Variants in PLA2G4A observed in about 807,000 individuals in gnomAD.
The protein encoded by PLA2G4A is cytosolic phospholipase A2.
In PLA2G4A, 40 loss-of-function variants were observed where a neutral mutation model predicts 81.9. The ratio of observed to expected loss-of-function variants is 0.49; its 90% CI spans 0.38 to 0.64. PLA2G4A has a LOEUF of 0.64. Among genes scored for constraint, PLA2G4A ranks in the 30% least tolerant of loss-of-function variants. The pLI, the probability that PLA2G4A is intolerant of heterozygous loss-of-function variation, is 0.00. For missense variants in PLA2G4A, 715 were observed against 905.1 expected (o/e 0.79, Z 2.69); for synonymous variants, 302 against 296.9 (o/e 1.02, Z -0.18).
At chr1:186,952,400 C>T (rs560444659) in intron 13 of PLA2G4A, among the ~76,000 whole-genome samples, 1 of 152,126 alleles carries the variant, frequency 6.6e-6, no homozygotes, top group South Asian at 2.1e-4. Context: ...TTCTCTTTTA[C>T]ATAGAGTTTT....
chr1:186,939,987 A>ATAC lies in PLA2G4A; in HGVS notation c.931_933dup (p.Thr311dup). The ATAC allele has an allele frequency of 6.8e-7, 1 of 1,466,592 alleles. No homozygotes were observed. The highest frequency in any genetic ancestry group is 9.6e-7 in the Non-Finnish European group (1 of 1,045,228). The allele number at this position is 1,466,592 out of a possible 1,614,324, so 90.8% of individuals were successfully genotyped here. Reference sequence around the variant, plus strand: ...TCTTTCTTCTGTGGACAGAGAATGAATACTACTCTGAGCAGTTTGAAGGAA... The same window carrying ATAC: ...TCTTTCTTCTGTGGACAGAGAATGAATACTACTACTCTGAGCAGTTTGAAGGAA... On this transcript the variant is annotated inframe_insertion, in exon 10 of 18. Transcript: ENST00000367466.
Position 186,979,943 on chromosome 1 carries a change from C to CTTTTTT in PLA2G4A, c.2118+488_2118+493dup, listed in dbSNP as rs34029312. Among the ~76,000 whole-genome samples, 23 of 98,798 alleles carry CTTTTTT rather than the reference C, an allele frequency of 2.3e-4. 2 individuals are homozygous for CTTTTTT. The highest frequency in any genetic ancestry group is 4.0e-4 in the South Asian group (1 of 2,482). 64.8% of individuals were successfully genotyped at this position (98,798 alleles called of 152,430 possible). ...GCATCACAAAACGTAACAGCATTTCCTTTTTTTTTTTTTTTTTTTTTTGAG... is the reference window on the plus strand; with the variant it reads ...GCATCACAAAACGTAACAGCATTTCCTTTTTTTTTTTTTTTTTTTTTTTTTTTTGAG... On this transcript the variant is annotated intron_variant, in intron 17 of 17. Coordinates refer to ENST00000367466, the MANE Select transcript of PLA2G4A (RefSeq NM_024420.3).
intron 5 of PLA2G4A, among the ~76,000 whole-genome samples, chr1:186,900,730 A>G (rs1654507049): frequency 6.6e-6 from 1 of 152,206 alleles, no homozygotes; most frequent in Non-Finnish European, 1.5e-5. Flanking sequence ...TAGAAGCAAC[A>G]CAGATAAGAT....
intron 10 of PLA2G4A, among the ~76,000 whole-genome samples, chr1:186,946,404 A>G (rs1164181396): frequency 6.6e-6 from 1 of 151,998 alleles, no homozygotes; most frequent in African/African-American, 2.4e-5. Flanking sequence ...TAATTTCTGC[A>G]AATTAGAAGG....
rs200155542 is a variant in PLA2G4A, at chr1:186,928,361, T to G, written c.559-4402T>G. Among the ~76,000 whole-genome samples the G allele has an allele frequency of 5.3e-5, 8 of 152,270 alleles. No homozygotes were observed. In the East Asian group the frequency reaches 1.5e-3, roughly 29 times the overall value. On this transcript the variant is annotated intron_variant, in intron 7 of 17. Transcript: ENST00000367466. Reference sequence around the variant, plus strand: ...TTGGCTGCCGGTGTTCTTGCTTACTTTGAATAAGCAGATTATCCTTACTAT... The same window carrying G: ...TTGGCTGCCGGTGTTCTTGCTTACTGTGAATAAGCAGATTATCCTTACTAT...
At chr1:186,945,061 G>C (rs1330682675) in intron 10 of PLA2G4A, among the ~76,000 whole-genome samples, 1 of 152,108 alleles carries the variant, frequency 6.6e-6, no homozygotes. Context: ...AAAAAAAAAT[G>C]AAGTGGGTTA....
chr1:186,871,001 C>G (rs910884933), intron 3 of PLA2G4A, among the ~76,000 whole-genome samples: 2 of 152,122 alleles, frequency 1.3e-5, no homozygotes, highest in Non-Finnish European at 2.9e-5. Flanking sequence ...CTTGGGAATT[C>G]AAAGAAATTT....
At chr1:186,901,849 G>C (rs940747110) in intron 5 of PLA2G4A, among the ~76,000 whole-genome samples, 3 of 152,150 alleles carry the variant, frequency 2.0e-5, no homozygotes, top group African/African-American at 7.2e-5. Flanking sequence ...TGTGGGTTTG[G>C]GGGGTGGACA....
chr1:186,921,879 A>G (rs1277248045), intron 7 of PLA2G4A, among the ~76,000 whole-genome samples: 1 of 152,064 alleles, frequency 6.6e-6, no homozygotes, highest in Non-Finnish European at 1.5e-5. Flanking sequence ...GCTGTAGCCA[A>G]TAATTTACAT....
At chr1:186,837,020 T>A (rs1651801020) in intron 1 of PLA2G4A, among the ~76,000 whole-genome samples, 1 of 151,766 alleles carries the variant, frequency 6.6e-6, no homozygotes, top group African/African-American at 2.4e-5. Context: ...AGGCAGAGAG[T>A]GGCATTCGTT....
rs891559420 is a variant in PLA2G4A, at chr1:186,932,271, A to G, written c.559-492A>G. Among the ~76,000 whole-genome samples, 5 of 150,228 alleles carry G rather than the reference A, an allele frequency of 3.3e-5. No homozygotes were observed. In the South Asian group the frequency reaches 8.5e-4, roughly 26 times the overall value. On this transcript the variant is annotated intron_variant, in intron 7 of 17. Coordinates refer to ENST00000367466, the MANE Select transcript of PLA2G4A (RefSeq NM_024420.3). ...TAGACATTGCTTTTTTTATTTTCTT[A>G]TATGAAACATTCTTTTCTTTTTCTT... is the stretch of plus-strand genomic sequence containing the variant.
chr1:186,975,556 G>A (rs10798076), intron 15 of PLA2G4A, among the ~76,000 whole-genome samples: 62,482 of 152,106 alleles, frequency 0.41, 14,507 homozygotes, highest in East Asian at 0.58. Context: ...GCAATCCTAT[G>A]AGAAAGGCGA....
At chr1:186,836,726 C>T (rs1193479073) in intron 1 of PLA2G4A, among the ~76,000 whole-genome samples, 5 of 152,172 alleles carry the variant, frequency 3.3e-5, no homozygotes, top group Non-Finnish European at 7.3e-5. Flanking sequence ...TAATTAATAA[C>T]AGCTACATGC....
At chr1:186,830,978 CTTTCTT>C (rs1651554630) in intron 1 of PLA2G4A, among the ~76,000 whole-genome samples, 3 of 133,728 alleles carry the variant, frequency 2.2e-5, no homozygotes, top group African/African-American at 8.5e-5. Context: ...TTCTTTCTTT[CTTTCTT>C]TCTTTCTTTC....
chr1:186,929,342 T>G (rs1026971119), intron 7 of PLA2G4A, among the ~76,000 whole-genome samples: 2 of 152,234 alleles, frequency 1.3e-5, no homozygotes, highest in Admixed American at 6.5e-5. Context: ...ATAAATTGTG[T>G]GAAAGTGTCC....
At chr1:186,863,066 A>G (rs1301510756) in intron 2 of PLA2G4A, among the ~76,000 whole-genome samples, 3 of 152,198 alleles carry the variant, frequency 2.0e-5, no homozygotes, top group East Asian at 1.9e-4. Flanking sequence ...TATAGTCACT[A>G]TAAACTCATG....
At chr1:186,948,272 GT>G (rs1423961517) in intron 12 of PLA2G4A, among the ~76,000 whole-genome samples, 1 of 152,074 alleles carries the variant, frequency 6.6e-6, no homozygotes, top group Non-Finnish European at 1.5e-5. Context: ...CCTTGTGTTT[GT>G]TTATTTTCTG....
chr1:186,904,161 T>C (rs1654647890), intron 5 of PLA2G4A, among the ~76,000 whole-genome samples: 1 of 152,210 alleles, frequency 6.6e-6, no homozygotes, highest in Admixed American at 6.5e-5. Flanking sequence ...CTAAAATTGC[T>C]TTCCGCTGGG....
intron 1 of PLA2G4A, among the ~76,000 whole-genome samples, chr1:186,837,753 G>GA (rs1267826917): frequency 1.7e-5 from 2 of 118,182 alleles, no homozygotes; most frequent in African/African-American, 3.4e-5. Context: ...AAAAAAAAAA[G>GA]AAAAAGAAAA....
Sources: gnomAD v4.1 joint callset for allele counts (sites outside exome capture counted in the v4.1 genomes callset) on GRCh38, gnomAD v4.1.1 for gene constraint, MANE v1.5 for transcripts, NCBI Gene and HGNC (gene_info 2026-07-23, HGNC 2026-07-21) for gene names.